Variants in EIF4ENIF1 observed in about 807,000 individuals in gnomAD.
The protein encoded by EIF4ENIF1 is eukaryotic translation initiation factor 4E transporter.
Under a neutral mutation model 110.5 loss-of-function variants are expected in EIF4ENIF1, and 23 were observed. The ratio of observed to expected loss-of-function variants is 0.21; its 90% CI spans 0.15 to 0.29. The LOEUF (loss-of-function observed/expected upper bound fraction) is 0.29. Ranked by LOEUF, EIF4ENIF1 falls within the 10% of genes least tolerant of loss-of-function variation. The pLI is 1.00. For missense variants in EIF4ENIF1, 1,031 were observed against 1,221.1 expected (o/e 0.84, Z 2.32); for synonymous variants, 440 against 437.0 (o/e 1.01, Z -0.09).
At chr22:31,463,260 C>T in intron 5 of EIF4ENIF1, 127 bp from the exon 6 acceptor site, 1 of 817,446 alleles carries the variant, frequency 1.2e-6, no homozygotes, top group Non-Finnish European at 1.9e-6. Flanking sequence ...GGCCCATCAC[C>T]ACCCCCACCC....
downstream of EIF4ENIF1, among the ~76,000 whole-genome samples, chr22:31,439,187 G>A (rs1601544175): frequency 6.6e-6 from 1 of 152,230 alleles, no homozygotes; most frequent in South Asian, 2.1e-4. Flanking sequence ...GCATGTGCCT[G>A]TAGTTCCATC....
At chr22:31,466,891 T>C (rs1026592018) in intron 4 of EIF4ENIF1, among the ~76,000 whole-genome samples, 7 of 152,206 alleles carry the variant, frequency 4.6e-5, no homozygotes, top group Admixed American at 6.5e-5. Flanking sequence ...GATTAGTCCA[T>C]GTGAGAAAAA....
At chr22:31,476,153 A>G (rs2030620409) in intron 2 of EIF4ENIF1, among the ~76,000 whole-genome samples, 1 of 152,234 alleles carries the variant, frequency 6.6e-6, no homozygotes, top group Admixed American at 6.5e-5. Flanking sequence ...AAAAGTAACT[A>G]AAGATTATCA....
intron 3 of EIF4ENIF1, among the ~76,000 whole-genome samples, chr22:31,469,859 A>G (rs1282031395): frequency 6.6e-6 from 1 of 152,066 alleles, no homozygotes; most frequent in Non-Finnish European, 1.5e-5. Context: ...TGCCCAGATA[A>G]TTTTTAAAAA....
chr22:31,453,009 G>T (rs182529107), intron 10 of EIF4ENIF1, among the ~76,000 whole-genome samples: 1 of 151,386 alleles, frequency 6.6e-6, no homozygotes, highest in Non-Finnish European at 1.5e-5. Flanking sequence ...TGGCTAACTG[G>T]TAAGTTCCCA....
At chr22:31,450,414 AGATT>A (rs2050610432) in intron 10 of EIF4ENIF1, 54 bp from the exon 11 acceptor site, 3 of 1,418,372 alleles carry the variant, frequency 2.1e-6, no homozygotes, top group Non-Finnish European at 3.0e-6. Context: ...CTTAACTTAC[AGATT>A]GATTGGGGAC....
At position 31,447,506 on chromosome 22, in the gene EIF4ENIF1, A is replaced by T. The variant is rs759913505; in HGVS notation, c.1908T>A (p.Leu636=). The change falls in exon 14 of 19, where the codon CTT becomes CTA. Residue 636 remains leucine, a synonymous_variant. Transcript: ENST00000330125. ...GGTAGAAGTTTGCTGCCTGTACAGCAAGGTCATGTGGCAAGGCCAGCCCTT... is the reference window on the plus strand; with the variant it reads ...GGTAGAAGTTTGCTGCCTGTACAGCTAGGTCATGTGGCAAGGCCAGCCCTT... The part of the protein sequence containing the change: ...ALEGLALPHD[L]AVQAANFYQP... 2 of 1,613,108 alleles carry T rather than the reference A, an allele frequency of 1.2e-6. No individual in the cohort carries two copies. Among genetic ancestry groups the T allele is most frequent in the East Asian group, 4.5e-5 (2 of 44,826 alleles).
At chr22:31,457,511 A>G (rs2050866982) in intron 7 of EIF4ENIF1, among the ~76,000 whole-genome samples, 1 of 152,236 alleles carries the variant, frequency 6.6e-6, no homozygotes, top group Non-Finnish European at 1.5e-5. Flanking sequence ...AATCCCACTG[A>G]TAAACAGAAA....
At chr22:31,444,570 C>A (rs1191537584) in intron 15 of EIF4ENIF1, 36 bp downstream of exon 15, 4 of 1,599,320 alleles carry the variant, frequency 2.5e-6, no homozygotes, top group Non-Finnish European at 3.4e-6. Flanking sequence ...CAGGGAGAAG[C>A]CTTAAAGTCC....
chr22:31,442,260 A>G, intron 16 of EIF4ENIF1, 142 bp from the exon 17 acceptor site: 2 of 671,792 alleles, frequency 3.0e-6, no homozygotes, highest in East Asian at 2.7e-5. Flanking sequence ...CACGGTAGGA[A>G]CCATCGTTTG....
At chr22:31,447,244 G>C (rs866961443) in intron 14 of EIF4ENIF1, among the ~76,000 whole-genome samples, 182 bp downstream of exon 14, 47 of 152,184 alleles carry the variant, frequency 3.1e-4, no homozygotes, top group African/African-American at 1.0e-3. Context: ...CCTTGCAGTA[G>C]AATTTAATCA....
chr22:31,441,550 G>GAAAAAAAAAAAAAAAAAAAA (rs771597260), intron 17 of EIF4ENIF1, among the ~76,000 whole-genome samples: 45 of 65,240 alleles, frequency 6.9e-4, no homozygotes, highest in African/African-American at 2.6e-3. Context: ...CTACAAAAAG[G>GAAAAAAAAAAAAAAAAAAAA]AAAAAAAAAA....
chr22:31,454,878 C>T (rs2050769073), intron 9 of EIF4ENIF1, among the ~76,000 whole-genome samples: 1 of 151,366 alleles, frequency 6.6e-6, no homozygotes, highest in Non-Finnish European at 1.5e-5. Flanking sequence ...AGTTTGTTTT[C>T]AACATTCACT....
intron 2 of EIF4ENIF1, among the ~76,000 whole-genome samples, chr22:31,480,755 G>A (rs902391431): frequency 6.6e-6 from 1 of 151,806 alleles, no homozygotes; most frequent in African/African-American, 2.4e-5. Context: ...AACTCCCTCT[G>A]AAAACAAAAC....
intron 2 of EIF4ENIF1, among the ~76,000 whole-genome samples, chr22:31,480,772 G>A (rs974951922): frequency 3.3e-5 from 5 of 151,776 alleles, no homozygotes; most frequent in African/African-American, 7.3e-5. Context: ...AAACAAAACC[G>A]AACAGGCAGG....
Position 31,441,031 on chromosome 22 carries a change from C to T in EIF4ENIF1, c.2552-163G>A, listed in dbSNP as rs376929479. Among the ~76,000 whole-genome samples the T allele has an allele frequency of 4.6e-5, 7 of 152,120 alleles. No individual in the cohort carries two copies. In the South Asian group the frequency reaches 6.2e-4, roughly 14 times the overall value. ...CAGCACTTTGGGAGGCCAAAGCAGG[C>T]GGACCACGAGGTCAGGAGTTCGAGA... On this transcript the variant is annotated intron_variant, in intron 17 of 18. Coordinates refer to ENST00000330125, the MANE Select transcript of EIF4ENIF1 (RefSeq NM_019843.4).
At chr22:31,492,782 A>G (rs2052295884), upstream of EIF4ENIF1, among the ~76,000 whole-genome samples, 1 of 152,072 alleles carries the variant, frequency 6.6e-6, no homozygotes, top group African/African-American at 2.4e-5. Flanking sequence ...CCCAGGCTGG[A>G]GTGCAATGGT....
intron 2 of EIF4ENIF1, among the ~76,000 whole-genome samples, chr22:31,476,171 C>T (rs2051564198): frequency 6.6e-6 from 1 of 152,134 alleles, no homozygotes; most frequent in South Asian, 2.1e-4. Flanking sequence ...TCACATATCC[C>T]CTTACTACCC....
chr22:31,474,145 C>T (rs2051488315), intron 2 of EIF4ENIF1, among the ~76,000 whole-genome samples: 1 of 152,012 alleles, frequency 6.6e-6, no homozygotes, highest in Non-Finnish European at 1.5e-5. Flanking sequence ...GCAACCCCTG[C>T]CTTCTGGGTT....
Sources: gnomAD v4.1 joint callset for allele counts (sites outside exome capture counted in the v4.1 genomes callset) on GRCh38, gnomAD v4.1.1 for gene constraint, MANE v1.5 for transcripts, NCBI Gene and HGNC (gene_info 2026-07-23, HGNC 2026-07-21) for gene names.